The following GXYLT1 variants were observed in gnomAD, a reference collection of about 807,000 sequenced individuals.
The protein encoded by GXYLT1 is glycosyltransferase 8 domain containing 3.
In GXYLT1, 29 loss-of-function variants were observed where a neutral mutation model predicts 54.0. The observed-to-expected ratio is 0.54, with a 90% CI of 0.40 to 0.73. The LOEUF (loss-of-function observed/expected upper bound fraction) is 0.73. GXYLT1 is among the 30% of genes least tolerant of loss of function. The pLI, the probability that GXYLT1 is intolerant of heterozygous loss-of-function variation, is 0.00. For synonymous variants in GXYLT1, 176 were observed against 204.1 expected (o/e 0.86, Z 1.17); for missense variants, 490 against 553.4 (o/e 0.89, Z 1.15).
At chr12:42,134,950 T>C (rs1370660334) in intron 1 of GXYLT1, among the ~76,000 whole-genome samples, 2 of 152,224 alleles carry the variant, frequency 1.3e-5, no homozygotes, top group Non-Finnish European at 2.9e-5. Context: ...ATTTGTGTAG[T>C]AGACTGTATT....
intron 1 of GXYLT1, 131 bp downstream of exon 1, chr12:42,144,295 G>T: frequency 2.0e-6 from 1 of 495,204 alleles, no homozygotes; most frequent in Non-Finnish European, 3.2e-6. Context: ...GGAGGGAAAT[G>T]AGTGAGGGGT....
At chr12:42,129,989 A>G in intron 1 of GXYLT1, 138 bp from the exon 2 acceptor site, 1 of 577,798 alleles carries the variant, frequency 1.7e-6, no homozygotes. Context: ...GCTATGATAA[A>G]GATTTTGGAA....
chr12:42,140,150 C>CAGCCTGAGTGACAAA (rs2065643220), intron 1 of GXYLT1, among the ~76,000 whole-genome samples: 1 of 123,688 alleles, frequency 8.1e-6, no homozygotes, highest in South Asian at 2.4e-4. Context: ...CACTGCACTG[C>CAGCCTGAGTGACAAA]AGCCTGAGTG....
intron 7 of GXYLT1, 49 bp downstream of exon 7, chr12:42,097,393 G>A (rs571276787): frequency 3.5e-6 from 5 of 1,415,564 alleles, no homozygotes; most frequent in Non-Finnish European, 4.7e-6. Context: ...CCATTAGCTT[G>A]AAAGTATTTT....
chr12:42,131,106 G>A (rs995752695), intron 1 of GXYLT1, among the ~76,000 whole-genome samples: 1 of 152,014 alleles, frequency 6.6e-6, no homozygotes, highest in Non-Finnish European at 1.5e-5. Flanking sequence ...TTCTTGTTAG[G>A]TTGCATGTTG....
At position 42,111,246 on chromosome 12, in the gene GXYLT1, C is replaced by T. The variant is rs200099826; in HGVS notation, c.487-1555G>A. On this transcript the variant is annotated intron_variant, in intron 3 of 7. Transcript: ENST00000398675. ...ATTTCTGCATTTCCAACTGAGGTAC[C>T]GGGTTCATCTCACTGGGGAGTGCCA... Among the ~76,000 whole-genome samples the T allele has an allele frequency of 4.7e-4, 71 of 152,318 alleles. No individual in the cohort carries two copies. The East Asian group carries it at 8.3e-3, about 18-fold the overall frequency.
chr12:42,105,737 TTTA>T, intron 5 of GXYLT1, 78 bp downstream of exon 5: 7 of 1,008,256 alleles, frequency 6.9e-6, no homozygotes, highest in Non-Finnish European at 1.0e-5. Flanking sequence ...CAATTTAGTT[TTTA>T]ATAAAATTTA....
chr12:42,127,635 T>C (rs1040493266), intron 2 of GXYLT1, among the ~76,000 whole-genome samples: 1 of 152,218 alleles, frequency 6.6e-6, no homozygotes, highest in Non-Finnish European at 1.5e-5. Context: ...GAGGAAAGAT[T>C]ATTATTACTC....
At chr12:42,099,845 T>C (rs1329535439) in intron 5 of GXYLT1, among the ~76,000 whole-genome samples, 2 of 152,184 alleles carry the variant, frequency 1.3e-5, no homozygotes, top group Non-Finnish European at 2.9e-5. Context: ...AATGAGACCC[T>C]GTCTCAAATA....
intron 5 of GXYLT1, among the ~76,000 whole-genome samples, chr12:42,101,575 C>CTT (rs34135942): frequency 2.1e-5 from 3 of 145,566 alleles, no homozygotes; most frequent in Admixed American, 6.9e-5. Context: ...TTTCAAAATA[C>CTT]TTTTTTTTTT....
intron 2 of GXYLT1, among the ~76,000 whole-genome samples, chr12:42,123,762 C>G (rs2065544862): frequency 6.6e-6 from 1 of 151,690 alleles, no homozygotes; most frequent in South Asian, 2.1e-4. Context: ...TCAAATTAAA[C>G]AATTAAATTT....
Position 42,086,753 on chromosome 12 carries a change from T to TA in GXYLT1, c.*1032dup, listed in dbSNP as rs1381032099. On this transcript the variant is annotated 3_prime_UTR_variant, in exon 8 of 8. Transcript: ENST00000398675. ...ATCCACTTAAGTTGTTTAACTTACT[T>TA]AAAGTAAGGCTCTAGACATTTGCTT... The TA allele has an allele frequency of 2.0e-5, 3 of 152,182 alleles. No individual in the cohort carries two copies. Among genetic ancestry groups the TA allele is most frequent in the African/African-American group, 4.8e-5 (2 of 41,436 alleles). 9.4% of individuals were successfully genotyped at this position (152,182 alleles called of 1,614,324 possible). A position where few individuals can be genotyped will look rare whatever the true frequency, so the allele number is the denominator to read the frequency against.
In GXYLT1 at chr12:42,086,954, C is replaced by G. The variant is rs2065297327; in HGVS notation, c.*832G>C. 6.6e-6 allele frequency: 1 copy of G among 152,086 alleles called. No individual in the cohort carries two copies. Among genetic ancestry groups the G allele is most frequent in the East Asian group, 1.9e-4 (1 of 5,194 alleles). The allele number at this position is 152,086 out of a possible 1,614,324, so 9.4% of individuals were successfully genotyped here. A position where few individuals can be genotyped will look rare whatever the true frequency, so the allele number is the denominator to read the frequency against. On this transcript the variant is annotated 3_prime_UTR_variant, in exon 8 of 8. Transcript: ENST00000398675. ...ACTCTTAAGGTTCTCACTTTACCAT[C>G]AGCATAATATATTTTGCTTCCAGAA...
chr12:42,129,640 G>T, intron 2 of GXYLT1, 119 bp downstream of exon 2: 1 of 594,916 alleles, frequency 1.7e-6, no homozygotes. Context: ...AACCCAATAA[G>T]AAAATAAATT....
In GXYLT1 at chr12:42,085,897, G is replaced by A. The variant is rs934739632; in HGVS notation, c.*1889C>T. On this transcript the variant is annotated 3_prime_UTR_variant, in exon 8 of 8. Transcript: ENST00000398675. ...AATGAAGCAAACATGGTAAGATAGT[G>A]ATAAGTGTCAGATCTGGATGTTGAG... The A allele has an allele frequency of 2.0e-5, 3 of 151,622 alleles. No homozygotes were observed. Among genetic ancestry groups the A allele is most frequent in the African/African-American group, 7.3e-5 (3 of 41,246 alleles). The allele number at this position is 151,622 out of a possible 1,614,324, so 9.4% of individuals were successfully genotyped here. A position where few individuals can be genotyped will look rare whatever the true frequency, so the allele number is the denominator to read the frequency against.
chr12:42,112,955 G>A (rs977034160), intron 3 of GXYLT1, among the ~76,000 whole-genome samples: 2 of 151,296 alleles, frequency 1.3e-5, no homozygotes, highest in Non-Finnish European at 2.9e-5. Flanking sequence ...CTACAAGCCA[G>A]AAGAGAGTGG....
Position 42,084,374 on chromosome 12 carries a change from C to T in GXYLT1, c.*3412G>A, listed in dbSNP as rs935741601. 2 of 152,368 alleles carry T rather than the reference C, an allele frequency of 1.3e-5. No homozygotes were observed. Among genetic ancestry groups the T allele is most frequent in the Non-Finnish European group, 2.9e-5 (2 of 68,106 alleles). The allele number at this position is 152,368 out of a possible 1,614,324, so 9.4% of individuals were successfully genotyped here. A position where few individuals can be genotyped will look rare whatever the true frequency, so the allele number is the denominator to read the frequency against. On this transcript the variant is annotated 3_prime_UTR_variant, in exon 8 of 8. Coordinates refer to ENST00000398675, the MANE Select transcript of GXYLT1 (RefSeq NM_173601.2). ...TTCTCTACTTTCTCTTCCTGAAAAA[C>T]TCTTCCTTACATAAACAAATTCATA...
intron 3 of GXYLT1, among the ~76,000 whole-genome samples, chr12:42,117,461 A>G (rs901146392): frequency 6.6e-6 from 1 of 151,762 alleles, no homozygotes; most frequent in African/African-American, 2.4e-5. Flanking sequence ...CGTTTTTGGC[A>G]GAAAACTGAA....
intron 5 of GXYLT1, among the ~76,000 whole-genome samples, chr12:42,103,258 C>T (rs1311252922): frequency 1.3e-5 from 2 of 152,152 alleles, no homozygotes; most frequent in Non-Finnish European, 2.9e-5. Flanking sequence ...CACACCTGGA[C>T]CTATTTTAAC....
Sources: allele counts gnomAD v4.1 joint callset (sites outside exome capture counted in the v4.1 genomes callset), GRCh38; gene constraint gnomAD v4.1.1; transcripts MANE v1.5; gene names NCBI Gene and HGNC (gene_info 2026-07-23, HGNC 2026-07-21).